The following ADAMTSL1 variants were observed in gnomAD, a reference collection of about 807,000 sequenced individuals.
ADAMTSL1 encodes ADAMTS-like protein 1.
In ADAMTSL1, 126 loss-of-function variants were observed where a neutral mutation model predicts 201.8. The ratio of observed to expected loss-of-function variants is 0.62; its 90% CI spans 0.54 to 0.72. The LOEUF is 0.72. Among genes scored for constraint, ADAMTSL1 ranks in the 30% least tolerant of loss-of-function variants. ADAMTSL1 has a pLI of 0.00. For missense variants in ADAMTSL1, 2,679 were observed against 2,277.8 expected (o/e 1.18, Z -3.59); for synonymous variants, 1,121 against 903.4 (o/e 1.24, Z -4.32).
At chr9:18,273,999 T>C (rs958005698) in intron 2 of ADAMTSL1, among the ~76,000 whole-genome samples, 1 of 152,234 alleles carries the variant, frequency 6.6e-6, no homozygotes, top group African/African-American at 2.4e-5. Flanking sequence ...TGTGCATACA[T>C]ACAAATCATA....
intron 5 of ADAMTSL1, among the ~76,000 whole-genome samples, chr9:18,626,878 C>CTGT (rs1461320087): frequency 2.2e-5 from 2 of 90,004 alleles, no homozygotes; most frequent in Non-Finnish European, 2.1e-5. Context: ...TGTCTTTCTT[C>CTGT]CTTCCTTCCT....
chr9:17,980,109 A>C (rs1018227759), intron 1 of ADAMTSL1, among the ~76,000 whole-genome samples: 2 of 152,170 alleles, frequency 1.3e-5, no homozygotes, highest in Middle Eastern at 3.2e-3. Flanking sequence ...CAGTACAGAG[A>C]AGGGTGACAT....
rs180788339 is a variant in ADAMTSL1, at chr9:18,000,965, A to G, written c.87+94043A>G. On this transcript the variant is annotated intron_variant, in intron 1 of 29. Transcript: ENST00000680146. ...TTGGGGCACTATCCCATCCCTAGAG[A>G]TGAGAAGTAGGGGGAACCTGGATTG... Among the ~76,000 whole-genome samples, 24 of 152,090 alleles carry G rather than the reference A, an allele frequency of 1.6e-4. 1 individual carries two copies. Among genetic ancestry groups the G allele is most frequent in the African/African-American group, 5.3e-4 (22 of 41,530 alleles).
intron 1 of ADAMTSL1, among the ~76,000 whole-genome samples, chr9:17,947,604 A>T (rs1169842115): frequency 1.3e-5 from 2 of 152,152 alleles, no homozygotes; most frequent in East Asian, 3.9e-4. Flanking sequence ...CCGCCACTTA[A>T]GACACGGTGA....
intron 11 of ADAMTSL1, 116 bp from the exon 12 acceptor site, chr9:18,681,696 G>GGT: frequency 1.5e-6 from 1 of 664,858 alleles, no homozygotes; most frequent in Non-Finnish European, 2.1e-6. Context: ...GAGTCCTCGT[G>GGT]TGGGGGGGGG....
chr9:18,681,762 T>G, intron 11 of ADAMTSL1, 50 bp from the exon 12 acceptor site: 1 of 1,359,402 alleles, frequency 7.4e-7, no homozygotes, highest in East Asian at 2.9e-5. Flanking sequence ...TGAAGAAAAG[T>G]AAACAAGGCT....
At chr9:18,131,271 C>T (rs1436618518) in intron 1 of ADAMTSL1, among the ~76,000 whole-genome samples, 1 of 152,100 alleles carries the variant, frequency 6.6e-6, no homozygotes, top group Non-Finnish European at 1.5e-5. Context: ...TAGTAGGTCA[C>T]TTGGGGATTC....
chr9:18,486,925 T>C (rs1477262461), intron 1 of ADAMTSL1, among the ~76,000 whole-genome samples: 1 of 152,202 alleles, frequency 6.6e-6, no homozygotes, highest in East Asian at 1.9e-4. Context: ...AATCTTTACA[T>C]GGGATGCCAG....
At chr9:18,009,254 C>T (rs1294146110) in intron 1 of ADAMTSL1, among the ~76,000 whole-genome samples, 2 of 151,960 alleles carry the variant, frequency 1.3e-5, no homozygotes, top group Admixed American at 6.6e-5. Flanking sequence ...TCTTCCTTTA[C>T]AACTCAATGT....
intron 2 of ADAMTSL1, among the ~76,000 whole-genome samples, chr9:18,328,198 A>G (rs1006072460): frequency 6.6e-6 from 1 of 152,168 alleles, no homozygotes; most frequent in Admixed American, 6.5e-5. Context: ...TATTTATCCA[A>G]TTTGTTACTT....
At chr9:17,992,306 A>G (rs894276218) in intron 1 of ADAMTSL1, among the ~76,000 whole-genome samples, 2 of 152,184 alleles carry the variant, frequency 1.3e-5, no homozygotes, top group African/African-American at 4.8e-5. Flanking sequence ...CATTACCTGC[A>G]ATTCTCATTT....
At chr9:18,252,161 T>C (rs79354759) in intron 2 of ADAMTSL1, among the ~76,000 whole-genome samples, 3,367 of 152,178 alleles carry the variant, frequency 0.022, 118 homozygotes, top group African/African-American at 0.076. Flanking sequence ...AAAGTTGCAG[T>C]ACATAGGAAA....
intron 1 of ADAMTSL1, among the ~76,000 whole-genome samples, chr9:17,932,160 G>T (rs1423135698): frequency 2.0e-5 from 3 of 152,166 alleles, no homozygotes; most frequent in African/African-American, 7.2e-5. Flanking sequence ...GGGATTTCGG[G>T]AGCCTCTCAG....
At chr9:17,967,501 A>G (rs960956577) in intron 1 of ADAMTSL1, among the ~76,000 whole-genome samples, 1 of 152,116 alleles carries the variant, frequency 6.6e-6, no homozygotes, top group Non-Finnish European at 1.5e-5. Context: ...CACTTTTCCT[A>G]GCACTTTACA....
intron 1 of ADAMTSL1, among the ~76,000 whole-genome samples, chr9:17,925,447 A>G (rs1826485037): frequency 1.0e-5 from 1 of 98,348 alleles, no homozygotes; most frequent in Non-Finnish European, 2.2e-5. Flanking sequence ...AAAGACTTGG[A>G]ACCAACCCAA....
intron 4 of ADAMTSL1, among the ~76,000 whole-genome samples, chr9:18,576,194 A>G (rs949309862): frequency 6.6e-6 from 1 of 152,120 alleles, no homozygotes; most frequent in Admixed American, 6.5e-5. Flanking sequence ...ACTGGTTATT[A>G]TTATTATTTT....
chr9:18,348,301 C>G (rs1009191640), intron 2 of ADAMTSL1, among the ~76,000 whole-genome samples: 2 of 152,074 alleles, frequency 1.3e-5, no homozygotes, highest in African/African-American at 4.8e-5. Flanking sequence ...CGGGTTAGGG[C>G]CAGCACACAG....
intron 1 of ADAMTSL1, among the ~76,000 whole-genome samples, chr9:18,159,923 A>T (rs527398709): frequency 9.9e-5 from 15 of 152,180 alleles, no homozygotes; most frequent in South Asian, 8.3e-4. Flanking sequence ...TTTTATTTTT[A>T]AACTACCTTT....
At chr9:18,655,819 A>AAAAAAAAAAAATAAAAAT (rs1564123607) in intron 7 of ADAMTSL1, among the ~76,000 whole-genome samples, 6 of 101,042 alleles carry the variant, frequency 5.9e-5, no homozygotes, top group Admixed American at 2.3e-4. Context: ...AAAAAAAAAA[A>AAAAAAAAAAAATAAAAAT]AAAAAAAAAA....
Sources: allele counts gnomAD v4.1 joint callset (sites outside exome capture counted in the v4.1 genomes callset), GRCh38; gene constraint gnomAD v4.1.1; transcripts MANE v1.5; gene names NCBI Gene and HGNC (gene_info 2026-07-23, HGNC 2026-07-21).